USP25: variants seen among roughly 807,000 people sequenced by gnomAD.
USP25 encodes the protein ubiquitin carboxyl-terminal hydrolase 25.
In USP25, 85 loss-of-function variants were observed where a neutral mutation model predicts 158.5. That is an observed-to-expected ratio of 0.54 (90% CI 0.45 to 0.64). USP25 has a LOEUF of 0.64. Ranked by LOEUF, USP25 falls within the 30% of genes least tolerant of loss-of-function variation. USP25 has a pLI of 0.00. For missense variants in USP25, 1,242 were observed against 1,327.3 expected (o/e 0.94, Z 1.00); for synonymous variants, 464 against 460.4 (o/e 1.01, Z -0.10).
At chr21:15,824,789 G>C (rs528449648) in intron 11 of USP25, among the ~76,000 whole-genome samples, 177 bp from the exon 12 acceptor site, 1 of 152,112 alleles carries the variant, frequency 6.6e-6, no homozygotes, top group Non-Finnish European at 1.5e-5. Context: ...GCTAATTTTT[G>C]TATTTTAGTA....
Position 15,799,857 on chromosome 21 carries a change from G to T in USP25, c.642+14G>T. ...CGAAACCAAAAGGTAAAATTCAAAA[G>T]ATTTTTTTAAGCAGTATATATACTC... On this transcript the variant is annotated intron_variant, in intron 6 of 25. Coordinates refer to ENST00000400183, the MANE Select transcript of USP25 (RefSeq NM_001283041.3). The T allele has an allele frequency of 6.3e-7, 1 of 1,592,384 alleles. No homozygotes were observed. Among genetic ancestry groups the T allele is most frequent in the Non-Finnish European group, 8.6e-7 (1 of 1,165,922 alleles).
chr21:15,796,984 A>C (rs191352898), intron 5 of USP25, among the ~76,000 whole-genome samples: 1 of 151,684 alleles, frequency 6.6e-6, no homozygotes, highest in Admixed American at 6.6e-5. Flanking sequence ...TAAATTTCAG[A>C]ATGGAAAAAT....
Position 15,842,439 on chromosome 21 carries a change from A to G in USP25, c.2236A>G (p.Arg746Gly), listed in dbSNP as rs773233708. Residue 746 changes from arginine (R) to glycine (G), a missense_variant, in exon 18 of 26, where the codon AGA (arginine) becomes GGA (glycine). This residue lies in a region of USP25 where 608 missense variants were observed against 605.2 expected (regional missense o/e 1.00). Transcript: ENST00000400183. ...GDPEYLEQPS[R>G]SDFSKHLKEE... ...CCCAGAATATCTAGAGCAGCCATCA[A>G]GAAGTGATTTCTCAAAGCACTTGAA... The G allele has an allele frequency of 5.0e-6, 8 of 1,613,664 alleles. No homozygotes were observed. The highest frequency in any genetic ancestry group is 2.5e-6 in the Non-Finnish European group (3 of 1,179,790).
At chr21:15,746,751 A>AT (rs910124866) in intron 1 of USP25, among the ~76,000 whole-genome samples, 4 of 152,040 alleles carry the variant, frequency 2.6e-5, no homozygotes, top group African/African-American at 9.7e-5. Context: ...AATGTGGTTG[A>AT]TTTTTCTGTA....
chr21:15,820,509 C>T (rs926637941), intron 10 of USP25, among the ~76,000 whole-genome samples: 1 of 151,868 alleles, frequency 6.6e-6, no homozygotes, highest in Non-Finnish European at 1.5e-5. Flanking sequence ...TTTCTAATCT[C>T]CACTACTGTG....
intron 4 of USP25, among the ~76,000 whole-genome samples, chr21:15,780,292 G>A (rs899736072): frequency 3.7e-4 from 56 of 152,168 alleles, no homozygotes; most frequent in African/African-American, 1.3e-3. Flanking sequence ...CTGTGTTTAG[G>A]CATTTATACG....
In USP25 at chr21:15,752,894, G is replaced by C. The variant is rs537262602; in HGVS notation, c.46-9997G>C. Among the ~76,000 whole-genome samples the C allele has an allele frequency of 7.2e-5, 11 of 152,310 alleles. No individual in the cohort carries two copies. In the South Asian group the frequency reaches 2.3e-3, roughly 32 times the overall value. On this transcript the variant is annotated intron_variant, in intron 1 of 25. Transcript: ENST00000400183. ...AAAAGATTGAGAAAAACTTCAATCT[G>C]TGACAGTAGGATATGCAGCATACCT... is the stretch of plus-strand genomic sequence containing the variant.
chr21:15,736,442 TGTG>T (rs1206290199), intron 1 of USP25, among the ~76,000 whole-genome samples: 1 of 152,168 alleles, frequency 6.6e-6, no homozygotes, highest in African/African-American at 2.4e-5. Flanking sequence ...ACCATGCACA[TGTG>T]GTGATAACTG....
chr21:15,877,979 C>A lies in USP25; in HGVS notation c.3193C>A (p.Gln1065Lys). Residue 1065 changes from glutamine (Q) to lysine (K), a missense_variant, in exon 25 of 26, where the codon CAA becomes AAA. Physicochemically the swap from Gln to Lys is moderately conservative, Grantham distance 53 (BLOSUM62 1). This residue lies in a region of USP25 where 608 missense variants were observed against 605.2 expected (regional missense o/e 1.00). Coordinates refer to ENST00000400183, the MANE Select transcript of USP25 (RefSeq NM_001283041.3). ...MRNRWCSYLGQEMEPHLQEKL... is the reference protein window; with the variant it reads ...MRNRWCSYLGKEMEPHLQEKL... Reference sequence around the variant, plus strand: ...AAATCGATGGTGTTCCTACCTTGGTCAAGAAATGGAACGTAAGTTTAAACA... The same window carrying A: ...AAATCGATGGTGTTCCTACCTTGGTAAAGAAATGGAACGTAAGTTTAAACA... 6.2e-7 allele frequency: 1 copy of A among 1,608,468 alleles called. No individual in the cohort carries two copies. Among genetic ancestry groups the A allele is most frequent in the South Asian group, 1.1e-5 (1 of 90,272 alleles).
At chr21:15,751,764 C>A (rs1466630096) in intron 1 of USP25, among the ~76,000 whole-genome samples, 1 of 152,124 alleles carries the variant, frequency 6.6e-6, no homozygotes, top group Admixed American at 6.5e-5. Context: ...CCCATAGAAA[C>A]CATGTTTCCT....
At chr21:15,865,734 T>C (rs537501484) in intron 21 of USP25, among the ~76,000 whole-genome samples, 1 of 152,138 alleles carries the variant, frequency 6.6e-6, no homozygotes, top group Non-Finnish European at 1.5e-5. Flanking sequence ...AGTTAATCTG[T>C]TTTGATAACC....
At chr21:15,871,749 G>A (rs565696193) in intron 23 of USP25, among the ~76,000 whole-genome samples, 1 of 152,196 alleles carries the variant, frequency 6.6e-6, no homozygotes, top group Non-Finnish European at 1.5e-5. Context: ...TATTCAGAAA[G>A]TTAATATTCT....
Position 15,811,176 on chromosome 21 carries a change from C to G in USP25, c.897C>G (p.Phe299Leu), listed in dbSNP as rs1164518632. 2 of 1,612,892 alleles carry G rather than the reference C, an allele frequency of 1.2e-6. No individual in the cohort carries two copies. The highest frequency in any genetic ancestry group is 1.7e-6 in the Non-Finnish European group (2 of 1,179,478). ...EKPKNPMVELFYGRFLAVGVL... is the reference protein window; with the variant it reads ...EKPKNPMVELLYGRFLAVGVL... Reference sequence around the variant, plus strand: ...CAAAGAACCCCATGGTAGAGTTGTTCTATGGCAGATTCCTGGCTGTGGGAG... The same window carrying G: ...CAAAGAACCCCATGGTAGAGTTGTTGTATGGCAGATTCCTGGCTGTGGGAG... The change falls in exon 9 of 26, where the codon TTC (phenylalanine) becomes TTG (leucine). Residue 299 changes from phenylalanine (F) to leucine (L), a missense_variant. Phe to Leu is a conservative substitution (Grantham distance 22, BLOSUM62 0). Around this residue, in one of 3 missense-constraint regions of USP25, gnomAD observed 627 missense variants for 701.4 expected, o/e 0.89. Transcript: ENST00000400183.
At chr21:15,768,819 G>T (rs1479892386) in intron 3 of USP25, among the ~76,000 whole-genome samples, 3 of 151,956 alleles carry the variant, frequency 2.0e-5, no homozygotes, top group South Asian at 2.1e-4. Context: ...TTTATTTTCA[G>T]TTTTTTTCCA....
intron 22 of USP25, among the ~76,000 whole-genome samples, chr21:15,867,749 C>T (rs2039719122): frequency 6.6e-6 from 1 of 151,910 alleles, no homozygotes; most frequent in African/African-American, 2.4e-5. Flanking sequence ...AAAGTGAGAC[C>T]ATTTACAATA....
In USP25 at chr21:15,874,517, A is replaced by C. The variant is rs1601200632; in HGVS notation, c.3000A>C (p.Glu1000Asp). The C allele has an allele frequency of 2.5e-6, 4 of 1,595,360 alleles. No homozygotes were observed. The African/African-American group carries it at 4.1e-5, about 16-fold the overall frequency. The change falls in exon 24 of 26, where the codon GAA becomes GAC. Residue 1000 changes from glutamate (E) to aspartate (D), a missense_variant. Coordinates refer to ENST00000400183, the MANE Select transcript of USP25 (RefSeq NM_001283041.3). ...AATTGATATCACATTATAGAAGAGA[A>C]TGTTTGCTAGTAAGTTGAATGCATA... ...DEELISHYRR[E>D]CLLKLNEQAA...
chr21:15,860,758 T>C (rs2039388585), intron 20 of USP25, among the ~76,000 whole-genome samples: 1 of 152,048 alleles, frequency 6.6e-6, no homozygotes, highest in Non-Finnish European at 1.5e-5. Context: ...CTTAACCAAC[T>C]TTATTTTAGA....
intron 3 of USP25, chr21:15,773,374 A>G (rs1191868133): frequency 6.6e-6 from 1 of 152,334 alleles, no homozygotes; most frequent in East Asian, 1.9e-4. Flanking sequence ...TGAAGAGTGA[A>G]TATTCTATCT....
intron 20 of USP25, among the ~76,000 whole-genome samples, chr21:15,863,065 T>C (rs921119329): frequency 1.3e-5 from 2 of 152,008 alleles, no homozygotes; most frequent in Non-Finnish European, 2.9e-5. Flanking sequence ...TGTTTATGCT[T>C]ATTAGAGCTA....
Sources: allele counts gnomAD v4.1 joint callset (sites outside exome capture counted in the v4.1 genomes callset), GRCh38; gene constraint gnomAD v4.1.1; regional missense constraint gnomAD v4.1.1; transcripts MANE v1.5; gene names NCBI Gene and HGNC (gene_info 2026-07-23, HGNC 2026-07-21).